The following GRIA4 variants were observed in gnomAD, a reference collection of about 807,000 sequenced individuals.
The protein encoded by GRIA4 is glutamate ionotropic receptor AMPA type subunit 4.
Under a neutral mutation model 104.0 loss-of-function variants are expected in GRIA4, and 34 were observed. That is an observed-to-expected ratio of 0.33 (90% CI 0.25 to 0.44). The LOEUF is 0.44. Among genes scored for constraint, GRIA4 ranks in the 20% least tolerant of loss-of-function variants. GRIA4 has a pLI of 1.00. For synonymous variants in GRIA4, 386 were observed against 381.9 expected (o/e 1.01, Z -0.13); for missense variants, 750 against 1,096.5 (o/e 0.68, Z 4.46).
At chr11:105,956,738 T>C (rs957847410) in intron 14 of GRIA4, among the ~76,000 whole-genome samples, 2 of 152,226 alleles carry the variant, frequency 1.3e-5, no homozygotes, top group South Asian at 2.1e-4. Flanking sequence ...CGTAAAAGTG[T>C]TCCTATTTCT....
chr11:105,932,367 G>A (rs1947904685), intron 13 of GRIA4, among the ~76,000 whole-genome samples: 1 of 152,054 alleles, frequency 6.6e-6, no homozygotes, highest in East Asian at 1.9e-4. Flanking sequence ...TTGAACTCCT[G>A]ATCTCACATA....
chr11:105,809,889 A>T (rs1943106025), intron 4 of GRIA4, among the ~76,000 whole-genome samples: 1 of 151,520 alleles, frequency 6.6e-6, no homozygotes, highest in African/African-American at 2.4e-5. Context: ...TCCCCTCTTT[A>T]TCCTCCCCTC....
At chr11:105,635,512 C>T (rs186337360) in intron 3 of GRIA4, among the ~76,000 whole-genome samples, 1 of 152,272 alleles carries the variant, frequency 6.6e-6, no homozygotes, top group East Asian at 1.9e-4. Flanking sequence ...AGAAATTACA[C>T]TTTTGATAAA....
At chr11:105,757,473 A>C (rs947454342) in intron 4 of GRIA4, among the ~76,000 whole-genome samples, 8 of 152,202 alleles carry the variant, frequency 5.3e-5, no homozygotes, top group Admixed American at 3.3e-4. Context: ...AAAGCAGAGC[A>C]ACTAGCAGCA....
chr11:105,681,134 A>T (rs534457526), intron 3 of GRIA4, among the ~76,000 whole-genome samples: 1 of 152,320 alleles, frequency 6.6e-6, no homozygotes, highest in East Asian at 1.9e-4. Flanking sequence ...AGAGCATATG[A>T]TCCTTGGGGA....
At chr11:105,649,627 TA>T (rs1565433784) in intron 3 of GRIA4, among the ~76,000 whole-genome samples, 2 of 152,144 alleles carry the variant, frequency 1.3e-5, no homozygotes, top group African/African-American at 4.8e-5. Flanking sequence ...AACAAATTAG[TA>T]ATTCTTTTAA....
chr11:105,793,717 T>C (rs1183397216), intron 4 of GRIA4, among the ~76,000 whole-genome samples: 4 of 152,056 alleles, frequency 2.6e-5, no homozygotes, highest in African/African-American at 7.2e-5. Context: ...CTGGTAGACA[T>C]AGAGCTTAGG....
chr11:105,632,838 C>T (rs1306721706), intron 3 of GRIA4, among the ~76,000 whole-genome samples: 6 of 152,146 alleles, frequency 3.9e-5, no homozygotes, highest in Admixed American at 3.3e-4. Flanking sequence ...TAGGCATGGA[C>T]CTCTAAGCAT....
At chr11:105,733,955 A>G (rs1036989809) in intron 3 of GRIA4, among the ~76,000 whole-genome samples, 1 of 149,666 alleles carries the variant, frequency 6.7e-6, no homozygotes, top group Admixed American at 6.7e-5. Flanking sequence ...TTATGTTCCC[A>G]TAATGATAAC....
At chr11:105,975,994 A>T (rs1858961181) in intron 16 of GRIA4, among the ~76,000 whole-genome samples, 1 of 152,128 alleles carries the variant, frequency 6.6e-6, no homozygotes, top group Admixed American at 6.5e-5. Context: ...ATGTCTTATG[A>T]TAGCAAAACT....
At chr11:105,774,358 A>C (rs1941360249) in intron 4 of GRIA4, among the ~76,000 whole-genome samples, 1 of 152,004 alleles carries the variant, frequency 6.6e-6, no homozygotes, top group African/African-American at 2.4e-5. Context: ...TTAAATAGTA[A>C]AAGATAAAAG....
At chr11:105,812,471 T>A (rs1943215024) in intron 4 of GRIA4, among the ~76,000 whole-genome samples, 1 of 152,208 alleles carries the variant, frequency 6.6e-6, no homozygotes, top group Non-Finnish European at 1.5e-5. Flanking sequence ...TTCTGTTACC[T>A]ACTACCATCT....
At chr11:105,759,624 A>T (rs1171138067) in intron 4 of GRIA4, among the ~76,000 whole-genome samples, 1 of 152,022 alleles carries the variant, frequency 6.6e-6, no homozygotes, top group Non-Finnish European at 1.5e-5. Flanking sequence ...TGAAATACCA[A>T]GATCCAGAGA....
chr11:105,787,319 G>A (rs1474144719), intron 4 of GRIA4, among the ~76,000 whole-genome samples: 1 of 152,044 alleles, frequency 6.6e-6, no homozygotes, highest in Admixed American at 6.6e-5. Flanking sequence ...AGGCCCTACT[G>A]TTTAGGTAAA....
chr11:105,908,284 T>A (rs1947113687), intron 9 of GRIA4, among the ~76,000 whole-genome samples: 1 of 152,218 alleles, frequency 6.6e-6, no homozygotes, highest in Admixed American at 6.5e-5. Context: ...TGCTTCCATA[T>A]TTTTGCTCTA....
chr11:105,721,567 A>G (rs1937822030), intron 3 of GRIA4, among the ~76,000 whole-genome samples: 2 of 152,224 alleles, frequency 1.3e-5, no homozygotes, highest in Admixed American at 6.6e-5. Flanking sequence ...ACATATATTA[A>G]TAGTGCAAAG....
intron 4 of GRIA4, among the ~76,000 whole-genome samples, chr11:105,777,272 G>T (rs1256359888): frequency 1.3e-5 from 2 of 152,108 alleles, no homozygotes; most frequent in South Asian, 4.1e-4. Context: ...AAGTTGGTAT[G>T]AAATAAATCT....
chr11:105,743,569 A>G (rs868302946), intron 3 of GRIA4, among the ~76,000 whole-genome samples: 105 of 152,278 alleles, frequency 6.9e-4, no homozygotes, highest in African/African-American at 2.5e-3. Context: ...TTTCACAGTC[A>G]TTTCCTTCAA....
At chr11:105,876,164 G>C (rs2034425677) in intron 5 of GRIA4, among the ~76,000 whole-genome samples, 2 of 151,932 alleles carry the variant, frequency 1.3e-5, no homozygotes, top group Admixed American at 1.3e-4. Flanking sequence ...CCTTAATTTT[G>C]TTATTTACCC....
Sources: gnomAD v4.1 joint callset for allele counts (sites outside exome capture counted in the v4.1 genomes callset) on GRCh38, gnomAD v4.1.1 for gene constraint, MANE v1.5 for transcripts, NCBI Gene and HGNC (gene_info 2026-07-23, HGNC 2026-07-21) for gene names.